RFX4: variants seen among roughly 807,000 people sequenced by gnomAD.
RFX4 encodes transcription factor RFX4.
Under a neutral mutation model 95.0 loss-of-function variants are expected in RFX4, and 10 were observed. The ratio of observed to expected loss-of-function variants is 0.11; its 90% CI spans 0.06 to 0.18. RFX4 has a LOEUF of 0.18. Ranked by LOEUF, RFX4 falls within the 10% of genes least tolerant of loss-of-function variation. The pLI is 1.00. For synonymous variants in RFX4, 321 were observed against 340.7 expected (o/e 0.94, Z 0.64); for missense variants, 640 against 922.0 (o/e 0.69, Z 3.96).
intron 5 of RFX4, chr12:106,683,239 C>T (rs2041558323): frequency 6.6e-6 from 1 of 152,128 alleles, no homozygotes. Flanking sequence ...CTGGGCAGCA[C>T]ATTCCCATCC....
intron 7 of RFX4, among the ~76,000 whole-genome samples, chr12:106,690,235 A>G (rs184548676): frequency 3.8e-4 from 58 of 152,336 alleles, no homozygotes; most frequent in African/African-American, 1.3e-3. Flanking sequence ...ACACAGCTCC[A>G]GACAAGATGG....
chr12:106,648,240 G>A (rs886997160), intron 3 of RFX4, among the ~76,000 whole-genome samples: 82 of 152,178 alleles, frequency 5.4e-4, no homozygotes, highest in African/African-American at 1.8e-3. Flanking sequence ...CGTGGAACAC[G>A]GTGGAGGAGG....
intron 1 of RFX4, among the ~76,000 whole-genome samples, chr12:106,599,501 ATGATGAT>A (rs2039669109): frequency 6.8e-6 from 1 of 146,084 alleles, no homozygotes; most frequent in Non-Finnish European, 1.5e-5. Context: ...GATGATGATG[ATGATGAT>A]GAAGGTGATG....
At chr12:106,678,343 TAGAA>T (rs1370291162) in intron 4 of RFX4, among the ~76,000 whole-genome samples, 1 of 152,218 alleles carries the variant, frequency 6.6e-6, no homozygotes, top group African/African-American at 2.4e-5. Context: ...GATAAACACT[TAGAA>T]AGATTTCAGA....
intron 17 of RFX4, among the ~76,000 whole-genome samples, chr12:106,752,189 T>C (rs533821231): frequency 1.3e-5 from 2 of 150,828 alleles, no homozygotes; most frequent in South Asian, 2.1e-4. Flanking sequence ...ATTTATTAAA[T>C]AGGGAATCCT....
Position 106,629,902 on chromosome 12 carries a change from C to G in RFX4, c.131-9430C>G, listed in dbSNP as rs141999743. Among the ~76,000 whole-genome samples the G allele has an allele frequency of 6.2e-3, 941 of 152,304 alleles. 12 individuals carry two copies. The highest frequency in any genetic ancestry group is 0.017 in the Middle Eastern group (5 of 294). The stretch of plus-strand genomic sequence containing the variant: ...GCCAGGAGGCACGGTTCGCTCTCCC[C>G]CTGCAAGGTCGGAGGGTGCCTGTTT... On this transcript the variant is annotated intron_variant, in intron 2 of 17. Coordinates refer to ENST00000392842, the MANE Select transcript of RFX4 (RefSeq NM_213594.3).
At chr12:106,614,166 T>G (rs556935916) in intron 2 of RFX4, among the ~76,000 whole-genome samples, 1 of 152,128 alleles carries the variant, frequency 6.6e-6, no homozygotes, top group East Asian at 1.9e-4. Context: ...CCTCTTCATG[T>G]CTTTTTTTTT....
chr12:106,675,485 A>C (rs1422552797), intron 4 of RFX4, among the ~76,000 whole-genome samples: 1 of 152,160 alleles, frequency 6.6e-6, no homozygotes, highest in Admixed American at 6.5e-5. Context: ...GGTACATTTT[A>C]AGTGTTCTCA....
Position 106,732,921 on chromosome 12 carries a change from C to T in RFX4, c.1472-3C>T, listed in dbSNP as rs2042640351. 14 of 1,613,418 alleles carry T rather than the reference C, an allele frequency of 8.7e-6. No individual in the cohort carries two copies. The highest frequency in any genetic ancestry group is 1.2e-5 in the Non-Finnish European group (14 of 1,179,434). The stretch of plus-strand genomic sequence containing the variant: ...TAAAAACTTACCCTATCTCTATCCA[C>T]AGCAGAAGTCCGAGAAGAGATCATC... On this transcript the variant is annotated splice_region_variant and splice_polypyrimidine_tract_variant and intron_variant, in intron 14 of 17. Coordinates refer to ENST00000392842, the MANE Select transcript of RFX4 (RefSeq NM_213594.3).
chr12:106,683,752 G>A (rs1248415266), intron 5 of RFX4: 2 of 152,192 alleles, frequency 1.3e-5, no homozygotes, highest in African/African-American at 4.8e-5. Context: ...TTTCTAAGAA[G>A]AGCAGAAATA....
intron 2 of RFX4, among the ~76,000 whole-genome samples, chr12:106,636,688 G>A (rs2040520984): frequency 1.3e-5 from 2 of 152,186 alleles, no homozygotes; most frequent in South Asian, 4.1e-4. Flanking sequence ...GTGTGGTTTG[G>A]GTTCTAACTA....
chr12:106,714,428 T>C (rs1281062497), intron 10 of RFX4, among the ~76,000 whole-genome samples: 3 of 152,230 alleles, frequency 2.0e-5, no homozygotes, highest in African/African-American at 7.2e-5. Context: ...TCTACAATTA[T>C]TTAACTAAGA....
intron 1 of RFX4, among the ~76,000 whole-genome samples, chr12:106,599,739 C>CA (rs1434870857): frequency 2.6e-5 from 4 of 151,856 alleles, no homozygotes; most frequent in African/African-American, 9.7e-5. Context: ...CCCTCCAGTT[C>CA]AGGTCTCTAA....
intron 5 of RFX4, chr12:106,682,842 C>T (rs570276075): frequency 6.6e-6 from 1 of 152,304 alleles, no homozygotes; most frequent in Admixed American, 6.5e-5. Flanking sequence ...GCTCGACCTT[C>T]ATTAAAATCT....
chr12:106,633,755 A>T (rs1320172208), intron 2 of RFX4, among the ~76,000 whole-genome samples: 2 of 152,206 alleles, frequency 1.3e-5, no homozygotes, highest in African/African-American at 4.8e-5. Flanking sequence ...AGTTGGGAAA[A>T]AAACCTGATA....
At chr12:106,664,040 T>G (rs1281559388) in intron 4 of RFX4, among the ~76,000 whole-genome samples, 1 of 151,838 alleles carries the variant, frequency 6.6e-6, no homozygotes, top group East Asian at 1.9e-4. Context: ...GCCTTTTATC[T>G]GATTTTGGTA....
chr12:106,584,546 C>T (rs2039424853), intron 1 of RFX4, among the ~76,000 whole-genome samples: 1 of 152,192 alleles, frequency 6.6e-6, no homozygotes, highest in African/African-American at 2.4e-5. Flanking sequence ...CATGCACGTC[C>T]TTTCCTTGAG....
chr12:106,617,065 G>T (rs540169211), intron 2 of RFX4, among the ~76,000 whole-genome samples: 1 of 152,144 alleles, frequency 6.6e-6, no homozygotes, highest in East Asian at 1.9e-4. Flanking sequence ...ACTGTGCCTG[G>T]CCACTTTTGT....
chr12:106,751,191 G>GT (rs1201596108), intron 17 of RFX4, among the ~76,000 whole-genome samples: 4 of 151,388 alleles, frequency 2.6e-5, no homozygotes, highest in Non-Finnish European at 4.4e-5. Context: ...GCAGTGTTTG[G>GT]TTTTTTGTTC....
Sources: allele counts gnomAD v4.1 joint callset (sites outside exome capture counted in the v4.1 genomes callset), GRCh38; gene constraint gnomAD v4.1.1; transcripts MANE v1.5; gene names NCBI Gene and HGNC (gene_info 2026-07-23, HGNC 2026-07-21).